TXNDC9: variants seen among roughly 807,000 people sequenced by gnomAD.
TXNDC9 encodes thioredoxin domain-containing protein 9.
Under a neutral mutation model 23.0 loss-of-function variants are expected in TXNDC9, and 7 were observed. The ratio of observed to expected loss-of-function variants is 0.30; its 90% confidence interval spans 0.17 to 0.57. The LOEUF (loss-of-function observed/expected upper bound fraction) is 0.57. TXNDC9 is among the 20% of genes least tolerant of loss of function. TXNDC9 has a pLI of 0.90. For missense variants in TXNDC9, 198 were observed against 252.6 expected (o/e 0.78, Z 1.47); for synonymous variants, 72 against 90.6 (o/e 0.79, Z 1.17).
chr2:99,327,665 A>G lies in TXNDC9; in HGVS notation c.190-12T>C, dbSNP rs1398541305. Reference sequence around the variant, plus strand: ...TTAGAAAGCCATTCCTAATTTGGAGAGAGGCAAAACATTACACATGTGAGA... The same window carrying G: ...TTAGAAAGCCATTCCTAATTTGGAGGGAGGCAAAACATTACACATGTGAGA... On this transcript the variant is annotated splice_polypyrimidine_tract_variant and intron_variant, in intron 2 of 4. Transcript: ENST00000264255. The G allele has an allele frequency of 1.3e-6, 2 of 1,564,684 alleles. No homozygotes were observed. The highest frequency in any genetic ancestry group is 1.1e-5 in the South Asian group (1 of 89,530).
chr2:99,315,062 A>AT (rs748634802), downstream of TXNDC9, among the ~76,000 whole-genome samples: 792 of 107,958 alleles, frequency 7.3e-3, 14 homozygotes, highest in South Asian at 0.043. Flanking sequence ...CGCCTGGTTA[A>AT]TTTTTTTTTT....
chr2:99,321,742 T>A (rs1428988938), intron 4 of TXNDC9: 47 of 547,978 alleles, frequency 8.6e-5, no homozygotes, highest in African/African-American at 3.8e-5. Flanking sequence ...CAGTTTTACC[T>A]ATTAAATCAG....
the TXNDC9 span, among the ~76,000 whole-genome samples, chr2:99,313,451 T>C: frequency 8.5e-5 from 13 of 152,152 alleles, no homozygotes; most frequent in Admixed American, 3.3e-4. Context: ...TCATTTTAAA[T>C]TGTATCCCTA....
At chr2:99,327,772 T>G (rs558013694) in intron 2 of TXNDC9, 119 bp from the exon 3 acceptor site, 188 of 644,170 alleles carry the variant, frequency 2.9e-4, no homozygotes, top group African/African-American at 2.6e-3. Flanking sequence ...AAAAAAAAGT[T>G]TTTTTTTTGT....
chr2:99,308,038 A>G, the TXNDC9 span, among the ~76,000 whole-genome samples: 1 of 152,220 alleles, frequency 6.6e-6, no homozygotes. Context: ...ATACACCTCT[A>G]GAGTCCATAG....
chr2:99,316,985 C>T (rs531540186), downstream of TXNDC9, among the ~76,000 whole-genome samples: 145 of 152,214 alleles, frequency 9.5e-4, 1 homozygote, highest in African/African-American at 2.6e-3. Flanking sequence ...CTCGATCTCC[C>T]GACCTCGTGA....
At chr2:99,322,493 C>T in intron 3 of TXNDC9, 3 of 1,419,678 alleles carry the variant, frequency 2.1e-6, no homozygotes, top group South Asian at 1.6e-5. Context: ...AGGAAGTTGT[C>T]CTATCTCCTA....
chr2:99,335,398 A>G (rs1022883995), intron 1 of TXNDC9, among the ~76,000 whole-genome samples: 2 of 152,240 alleles, frequency 1.3e-5, no homozygotes, highest in African/African-American at 4.8e-5. Context: ...CACAGCAGGT[A>G]CTCAATAAAC....
intron 1 of TXNDC9, among the ~76,000 whole-genome samples, chr2:99,335,621 G>A (rs1477964151): frequency 6.6e-6 from 1 of 152,188 alleles, no homozygotes; most frequent in African/African-American, 2.4e-5. Flanking sequence ...TCAGTGAGGG[G>A]GCTGGAAGGA....
At chr2:99,322,558 T>C in intron 3 of TXNDC9, 1 of 1,510,810 alleles carries the variant, frequency 6.6e-7, no homozygotes, top group South Asian at 1.3e-5. Flanking sequence ...GGAAGAGACT[T>C]ACAAGAATCA....
the TXNDC9 span, among the ~76,000 whole-genome samples, chr2:99,308,892 C>T: frequency 5.9e-5 from 9 of 151,894 alleles, no homozygotes; most frequent in Admixed American, 3.9e-4. Context: ...TTAGTGGAGA[C>T]GGGGTTTCAC....
chr2:99,309,709 C>T, the TXNDC9 span, among the ~76,000 whole-genome samples: 1 of 151,998 alleles, frequency 6.6e-6, no homozygotes, highest in South Asian at 2.1e-4. Context: ...TTTTTTGAGA[C>T]AGAGTCTCAC....
downstream of TXNDC9, among the ~76,000 whole-genome samples, chr2:99,317,759 T>C (rs1266707496): frequency 6.6e-6 from 1 of 152,100 alleles, no homozygotes; most frequent in Non-Finnish European, 1.5e-5. Flanking sequence ...ATTACAGGCA[T>C]GAGCCACCAC....
At chr2:99,335,071 A>G (rs1407309472) in intron 1 of TXNDC9, among the ~76,000 whole-genome samples, 1 of 152,202 alleles carries the variant, frequency 6.6e-6, no homozygotes, top group African/African-American at 2.4e-5. Flanking sequence ...TTTTATACCA[A>G]CAATTAGAGG....
At position 99,319,599 on chromosome 2, in the gene TXNDC9, T is replaced by G; in HGVS notation, c.*83A>C. The G allele has an allele frequency of 2.0e-6, 2 of 1,011,076 alleles. No homozygotes were observed. The highest frequency in any genetic ancestry group is 3.0e-6 in the Non-Finnish European group (2 of 660,996). The allele number at this position is 1,011,076 out of a possible 1,614,324, so 62.6% of individuals were successfully genotyped here. ...AGAATATGAGTATTTAGGTGACCAA[T>G]GTATAGACATTAATAGAATTTTAAA... On this transcript the variant is annotated 3_prime_UTR_variant, in exon 5 of 5. Coordinates refer to ENST00000264255, the MANE Select transcript of TXNDC9 (RefSeq NM_005783.4).
At chr2:99,321,738 T>C (rs2094202191) in intron 4 of TXNDC9, 1 of 529,454 alleles carries the variant, frequency 1.9e-6, no homozygotes, top group Non-Finnish European at 3.2e-6. Context: ...GACTCAGTTT[T>C]ACCTATTAAA....
chr2:99,329,348 G>C (rs1366207461), intron 2 of TXNDC9, among the ~76,000 whole-genome samples: 1 of 152,080 alleles, frequency 6.6e-6, no homozygotes, highest in Non-Finnish European at 1.5e-5. Flanking sequence ...ACTCTTCCAG[G>C]ATATCAACTA....
the TXNDC9 span, among the ~76,000 whole-genome samples, chr2:99,311,448 C>T: frequency 3.9e-5 from 6 of 152,088 alleles, no homozygotes; most frequent in African/African-American, 1.2e-4. Flanking sequence ...CCACCATGCC[C>T]GGTTAATTTT....
intron 1 of TXNDC9, among the ~76,000 whole-genome samples, chr2:99,335,629 G>A (rs1217798740): frequency 1.4e-4 from 22 of 152,174 alleles, no homozygotes; most frequent in Admixed American, 1.4e-3. Flanking sequence ...GGGGCTGGAA[G>A]GAGAAGATAA....
Sources: gnomAD v4.1 joint callset for allele counts (sites outside exome capture counted in the v4.1 genomes callset) on GRCh38, gnomAD v4.1.1 for gene constraint, MANE v1.5 for transcripts, NCBI Gene and HGNC (gene_info 2026-07-23, HGNC 2026-07-21) for gene names.